RAB2B: variants seen among roughly 807,000 people sequenced by gnomAD.
RAB2B encodes ras-related protein Rab-2B.
A neutral mutation model predicts 29.8 loss-of-function variants in RAB2B; 20 were observed. The observed-to-expected ratio is 0.67, with a 90% CI of 0.47 to 0.97. RAB2B has a LOEUF of 0.97. Ranked by LOEUF, RAB2B falls within the 50% of genes least tolerant of loss-of-function variation. RAB2B has a pLI of 0.00. For missense variants in RAB2B, 218 were observed against 272.0 expected (o/e 0.80, Z 1.40); for synonymous variants, 93 against 91.7 (o/e 1.01, Z -0.08).
At chr14:21,468,902 G>T in intron 3 of RAB2B, 150 bp from the exon 4 acceptor site, 1 of 452,904 alleles carries the variant, frequency 2.2e-6, no homozygotes, top group Non-Finnish European at 3.8e-6. Context: ...AAACATGCCT[G>T]CCCGAGAAGA....
intron 3 of RAB2B, chr14:21,474,393 G>A (rs1890896541): frequency 6.3e-6 from 1 of 159,990 alleles, no homozygotes; most frequent in Non-Finnish European, 1.4e-5. Flanking sequence ...TACAATCTAA[G>A]TCACACAACT....
At chr14:21,474,843 G>A (rs1193545978) in intron 3 of RAB2B, 24 bp downstream of exon 3, 2 of 1,594,486 alleles carry the variant, frequency 1.3e-6, no homozygotes, top group Non-Finnish European at 1.7e-6. Flanking sequence ...ATTGGTCAGA[G>A]ACTAAATTAT....
Position 21,461,219 on chromosome 14 carries a change from C to T in RAB2B, c.628G>A (p.Gly210Arg), listed in dbSNP as rs770985562. Residue 210 changes from glycine to arginine, a missense_variant, in exon 8 of 8, where the codon GGG becomes AGG. Physicochemically the swap from Gly to Arg is moderately radical, Grantham distance 125. Transcript: ENST00000397762. ...GTTCAGCAGCAGCCAGAGTTGGACC[C>T]TATGTCACGAGAGTTCCGCTGGGAG... is the stretch of plus-strand genomic sequence containing the variant. ...SASQRNSRDI[G>R]SNSGCC 5.0e-6 allele frequency: 8 copies of T among 1,613,136 alleles called. No homozygotes were observed. In the African/African-American group the frequency reaches 8.0e-5, roughly 16 times the overall value.
In RAB2B at chr14:21,468,749, C is replaced by T; in HGVS notation, c.190G>A (p.Gly64Arg). The T allele has an allele frequency of 6.5e-7, 1 of 1,528,778 alleles. No homozygotes were observed. The highest frequency in any genetic ancestry group is 8.8e-7 in the Non-Finnish European group (1 of 1,138,920). The allele number at this position is 1,528,778 out of a possible 1,614,324, so 94.7% of individuals were successfully genotyped here. Residue 64 changes from glycine (G) to arginine (R), a missense_variant, in exon 4 of 8, where the codon GGG (glycine) becomes AGG (arginine). Transcript: ENST00000397762. Reference sequence around the variant, plus strand: ...GTGATAGAACGGAAGGATTCTTGCCCAGCCTTTCCCACCAACATGGCAACA... The same window carrying T: ...GTGATAGAACGGAAGGATTCTTGCCTAGCCTTTCCCACCAACATGGCAACA... ...QIKLQIWDTA[G>R]QESFRSITRS... is the part of the protein sequence containing the mutation.
At position 21,461,228 on chromosome 14, in the gene RAB2B, G is replaced by T. The variant is rs140211092; in HGVS notation, c.619C>A (p.Arg207Ser). 9.9e-6 allele frequency: 16 copies of T among 1,613,714 alleles called. No individual in the cohort carries two copies. The South Asian group carries it at 1.5e-4, about 16-fold the overall frequency. ...CAGCCAGAGTTGGACCCTATGTCAC[G>T]AGAGTTCCGCTGGGAGGCACTGGGT... ...VGPSASQRNS[R>S]DIGSNSGCC Residue 207 changes from arginine to serine, a missense_variant, in exon 8 of 8, where the codon CGT (arginine) becomes AGT (serine). Transcript: ENST00000397762.
At chr14:21,467,538 C>T (rs1259267211) in intron 5 of RAB2B, among the ~76,000 whole-genome samples, 1 of 152,036 alleles carries the variant, frequency 6.6e-6, no homozygotes, top group African/African-American at 2.4e-5. Flanking sequence ...TTCTTTTGGC[C>T]TATGGGTGTC....
chr14:21,476,489 G>T (rs1256745090), intron 2 of RAB2B, 39 bp downstream of exon 2: 4 of 1,612,342 alleles, frequency 2.5e-6, no homozygotes, highest in Non-Finnish European at 3.4e-6. Context: ...TAGCTAGTCA[G>T]GTTTTATCAT....
chr14:21,460,419 T>C lies in RAB2B; in HGVS notation c.*777A>G. ...GGCCAACATGGTGAAACCCTGTCTC[T>C]ACTAAAAATACAAAAATGAGCCAGG... On this transcript the variant is annotated 3_prime_UTR_variant, in exon 8 of 8. Coordinates refer to ENST00000397762, the MANE Select transcript of RAB2B (RefSeq NM_032846.4). 2.6e-6 allele frequency: 1 copy of C among 391,188 alleles called. No homozygotes were observed. The highest frequency in any genetic ancestry group is 1.9e-5 in the South Asian group (1 of 52,524). 24.2% of individuals were successfully genotyped at this position (391,188 alleles called of 1,614,324 possible).
chr14:21,463,814 G>C (rs1216015627), intron 5 of RAB2B, 47 bp from the exon 6 acceptor site: 2 of 1,209,534 alleles, frequency 1.7e-6, no homozygotes, highest in Admixed American at 2.1e-5. Flanking sequence ...AGATCCAAGT[G>C]AAAGAGGAAA....
Position 21,460,199 on chromosome 14 carries a change from C to T in RAB2B, c.*997G>A, listed in dbSNP as rs761283920. 8 of 518,956 alleles carry T rather than the reference C, an allele frequency of 1.5e-5. No homozygotes were observed. Among genetic ancestry groups the T allele is most frequent in the Admixed American group, 7.8e-5 (4 of 51,584 alleles). The allele number at this position is 518,956 out of a possible 1,614,324, so 32.1% of individuals were successfully genotyped here. The stretch of plus-strand genomic sequence containing the variant: ...AATTCCGAGGCAGAGGATCTATCAA[C>T]CAAAGGCCAACTAGATCTAGGTAAT... On this transcript the variant is annotated 3_prime_UTR_variant, in exon 8 of 8. Coordinates refer to ENST00000397762, the MANE Select transcript of RAB2B (RefSeq NM_032846.4).
At chr14:21,461,488 T>C (rs1890554797) in intron 7 of RAB2B, among the ~76,000 whole-genome samples, 185 bp from the exon 8 acceptor site, 1 of 152,206 alleles carries the variant, frequency 6.6e-6, no homozygotes, top group South Asian at 2.1e-4. Context: ...CTAGCCACGC[T>C]GATGTGGAAC....
intron 5 of RAB2B, among the ~76,000 whole-genome samples, chr14:21,465,905 T>TAAA (rs369309240): frequency 1.3e-5 from 2 of 148,876 alleles, no homozygotes; most frequent in African/African-American, 5.0e-5. Flanking sequence ...TCCCCCCAAG[T>TAAA]AATACCCTTT....
In RAB2B at chr14:21,460,126, G is replaced by C. The variant is rs753974072; in HGVS notation, c.*1070C>G. 5.8e-6 allele frequency: 3 copies of C among 518,144 alleles called. No individual in the cohort carries two copies. Among genetic ancestry groups the C allele is most frequent in the Non-Finnish European group, 1.2e-5 (3 of 259,638 alleles). The allele number at this position is 518,144 out of a possible 1,614,324, so 32.1% of individuals were successfully genotyped here. ...AACTGCCTTCTACAAGAATTCTTAG[G>C]AAGTGGCAAGCAGACACCCAAAGGC... On this transcript the variant is annotated 3_prime_UTR_variant, in exon 8 of 8. Coordinates refer to ENST00000397762, the MANE Select transcript of RAB2B (RefSeq NM_032846.4).
chr14:21,464,702 A>C (rs933472594), intron 5 of RAB2B, among the ~76,000 whole-genome samples: 4 of 152,084 alleles, frequency 2.6e-5, no homozygotes, highest in Admixed American at 6.5e-5. Flanking sequence ...CCTTATGAAA[A>C]ACAGGATAAA....
rs1890544276 is a variant in RAB2B at position 21,461,128 on chromosome 14, A to C, written c.*68T>G. On this transcript the variant is annotated 3_prime_UTR_variant, in exon 8 of 8. Transcript: ENST00000397762. Reference sequence around the variant, plus strand: ...GCTGCTCTCAGCCAAAGCAAGAAAGACCTCTTTCATTAAGCCTATTGATCT... The same window carrying C: ...GCTGCTCTCAGCCAAAGCAAGAAAGCCCTCTTTCATTAAGCCTATTGATCT... 1 of 1,086,976 alleles carries C rather than the reference A, an allele frequency of 9.2e-7. No individual in the cohort carries two copies. The highest frequency in any genetic ancestry group is 1.4e-5 in the South Asian group (1 of 70,604). 67.3% of individuals were successfully genotyped at this position (1,086,976 alleles called of 1,614,324 possible).
chr14:21,475,431 T>C (rs1480041982), intron 2 of RAB2B, among the ~76,000 whole-genome samples: 1 of 7,142 alleles, frequency 1.4e-4, no homozygotes, highest in East Asian at 0.015. Flanking sequence ...GAAACAATAC[T>C]TTTTTTTTTT....
At position 21,468,659 on chromosome 14, in the gene RAB2B, A is replaced by T; in HGVS notation, c.269+11T>A. The stretch of plus-strand genomic sequence containing the variant: ...GAAGAATCTCCCTCCCATGCACCAG[A>T]TCTGGCTCACCTTGTAATGTCGTAC... On this transcript the variant is annotated intron_variant, in intron 4 of 7. Coordinates refer to ENST00000397762, the MANE Select transcript of RAB2B (RefSeq NM_032846.4). The T allele has an allele frequency of 6.5e-7, 1 of 1,547,820 alleles. No homozygotes were observed. Among genetic ancestry groups the T allele is most frequent in the Non-Finnish European group, 8.7e-7 (1 of 1,151,490 alleles).
At chr14:21,462,473 G>T (rs941161345) in intron 6 of RAB2B, 55 bp from the exon 7 acceptor site, 11 of 1,407,718 alleles carry the variant, frequency 7.8e-6, no homozygotes, top group African/African-American at 7.2e-5. Context: ...AGAAATGAGG[G>T]AAAGAGAATA....
At chr14:21,468,294 T>C in intron 5 of RAB2B, 63 bp downstream of exon 5, 1 of 1,280,676 alleles carries the variant, frequency 7.8e-7, no homozygotes, top group Non-Finnish European at 1.1e-6. Context: ...AGTTTGGGGA[T>C]CAATGTGCAT....
Sources: allele counts gnomAD v4.1 joint callset (sites outside exome capture counted in the v4.1 genomes callset), GRCh38; gene constraint gnomAD v4.1.1; transcripts MANE v1.5; gene names NCBI Gene and HGNC (gene_info 2026-07-23, HGNC 2026-07-21).